The following PTPRG variants were observed in gnomAD, a reference collection of about 807,000 sequenced individuals.
The protein encoded by PTPRG is protein tyrosine phosphatase receptor type G.
Under a neutral mutation model 165.3 loss-of-function variants are expected in PTPRG, and 102 were observed. That is an observed-to-expected ratio of 0.62 (90% CI 0.53 to 0.73). The LOEUF (loss-of-function observed/expected upper bound fraction) is 0.73. Ranked by LOEUF, PTPRG falls within the 30% of genes least tolerant of loss-of-function variation. PTPRG has a pLI of 0.00. For synonymous variants in PTPRG, 675 were observed against 669.5 expected, an observed-to-expected ratio of 1.01 and a Z score of -0.13; for missense variants, 1,866 against 1,861.4, an observed-to-expected ratio of 1.00 and a Z score of -0.05.
chr3:61,718,039 G>C (rs193259230), intron 1 of PTPRG, among the ~76,000 whole-genome samples: 125 of 151,786 alleles, frequency 8.2e-4, no homozygotes, highest in African/African-American at 2.8e-3. Flanking sequence ...AATTAGCCGG[G>C]CATGGTGGTG....
At chr3:61,799,124 C>T (rs1327555901) in intron 2 of PTPRG, among the ~76,000 whole-genome samples, 2 of 151,956 alleles carry the variant, frequency 1.3e-5, no homozygotes, top group African/African-American at 4.8e-5. Flanking sequence ...TGAATTATCT[C>T]TTACAGGAAT....
chr3:61,838,512 G>C (rs1205452995), intron 2 of PTPRG, among the ~76,000 whole-genome samples: 2 of 152,138 alleles, frequency 1.3e-5, no homozygotes, highest in South Asian at 4.2e-4. Flanking sequence ...GGCCCCACAT[G>C]GTGATTAAAA....
intron 17 of PTPRG, among the ~76,000 whole-genome samples, chr3:62,265,713 T>G (rs1476255689): frequency 6.6e-6 from 1 of 152,038 alleles, no homozygotes; most frequent in Non-Finnish European, 1.5e-5. Context: ...TTGGCAGTAT[T>G]TGTTGGCCAG....
At chr3:62,065,883 A>C (rs1325439738) in intron 4 of PTPRG, among the ~76,000 whole-genome samples, 1 of 152,220 alleles carries the variant, frequency 6.6e-6, no homozygotes, top group Non-Finnish European at 1.5e-5. Context: ...GGTTCTCCCA[A>C]GGACACTAAA....
intron 6 of PTPRG, among the ~76,000 whole-genome samples, chr3:62,148,358 T>C (rs538997046): frequency 1.3e-5 from 2 of 152,280 alleles, no homozygotes; most frequent in Non-Finnish European, 2.9e-5. Context: ...AGACAGGTCA[T>C]GTCGGGCCCC....
At chr3:61,901,316 G>A (rs1434744853) in intron 2 of PTPRG, among the ~76,000 whole-genome samples, 1 of 152,204 alleles carries the variant, frequency 6.6e-6, no homozygotes. Context: ...CAAGGAGTGT[G>A]AAGGTTGGGT....
intron 12 of PTPRG, among the ~76,000 whole-genome samples, 200 bp downstream of exon 12, chr3:62,204,150 C>A (rs994590768): frequency 6.6e-6 from 1 of 152,202 alleles, no homozygotes; most frequent in Admixed American, 6.5e-5. Flanking sequence ...TACTCTCTTA[C>A]GCTGGAGTAA....
chr3:61,891,004 A>G (rs2038198856), intron 2 of PTPRG, among the ~76,000 whole-genome samples: 1 of 152,046 alleles, frequency 6.6e-6, no homozygotes, highest in Admixed American at 6.6e-5. Context: ...TTTTTTTTCC[A>G]GATATATATG....
At chr3:61,950,721 G>A (rs958986936) in intron 2 of PTPRG, among the ~76,000 whole-genome samples, 2 of 152,082 alleles carry the variant, frequency 1.3e-5, no homozygotes, top group African/African-American at 4.8e-5. Flanking sequence ...TGGCTGATTC[G>A]ACCCCCTTTA....
intron 1 of PTPRG, among the ~76,000 whole-genome samples, chr3:61,589,637 T>A (rs1700519043): frequency 6.6e-6 from 1 of 151,874 alleles, no homozygotes; most frequent in Non-Finnish European, 1.5e-5. Flanking sequence ...GGGGTGGGGG[T>A]GTCAGTATGC....
intron 28 of PTPRG, among the ~76,000 whole-genome samples, chr3:62,290,385 C>T (rs535606256): frequency 6.6e-5 from 10 of 152,080 alleles, no homozygotes; most frequent in Non-Finnish European, 1.3e-4. Flanking sequence ...CTATGAAACA[C>T]GATGGAGTCG....
At chr3:61,770,239 C>T (rs946989556) in intron 2 of PTPRG, 5 of 151,992 alleles carry the variant, frequency 3.3e-5, no homozygotes, top group African/African-American at 7.2e-5. Flanking sequence ...TATGTTGGTC[C>T]TCAATTTGTG....
At chr3:62,249,294 T>A (rs576638979) in intron 15 of PTPRG, among the ~76,000 whole-genome samples, 2 of 152,194 alleles carry the variant, frequency 1.3e-5, no homozygotes, top group Admixed American at 1.3e-4. Flanking sequence ...TCTGAGAGAC[T>A]GAGAGGGCAG....
chr3:62,167,852 TC>T, intron 7 of PTPRG, 118 bp from the exon 8 acceptor site: 1 of 1,027,874 alleles, frequency 9.7e-7, no homozygotes, highest in Non-Finnish European at 1.4e-6. Context: ...ATTGGGCACT[TC>T]CTACCGTTTC....
intron 1 of PTPRG, among the ~76,000 whole-genome samples, chr3:61,725,410 T>C (rs2032216020): frequency 6.6e-6 from 1 of 152,122 alleles, no homozygotes; most frequent in South Asian, 2.1e-4. Context: ...TTTTATTTTT[T>C]AAATTTTTTG....
At chr3:61,957,576 C>T (rs181376300) in intron 2 of PTPRG, among the ~76,000 whole-genome samples, 2 of 152,288 alleles carry the variant, frequency 1.3e-5, no homozygotes, top group Non-Finnish European at 2.9e-5. Flanking sequence ...TTCCTAACCA[C>T]GGGAACAATT....
intron 6 of PTPRG, among the ~76,000 whole-genome samples, chr3:62,154,524 G>A (rs553272393): frequency 6.6e-6 from 1 of 152,224 alleles, no homozygotes; most frequent in African/African-American, 2.4e-5. Flanking sequence ...ATAAGAGTCC[G>A]ACCCTGCCCA....
chr3:62,173,084 A>G (rs895972828), intron 8 of PTPRG, among the ~76,000 whole-genome samples: 4 of 152,160 alleles, frequency 2.6e-5, no homozygotes, highest in Non-Finnish European at 5.9e-5. Context: ...CCTTATATAA[A>G]ATGGTGTTGT....
At chr3:61,768,526 T>C (rs1214575647) in intron 2 of PTPRG, among the ~76,000 whole-genome samples, 1 of 152,230 alleles carries the variant, frequency 6.6e-6, no homozygotes, top group East Asian at 1.9e-4. Flanking sequence ...GAGAGCATTT[T>C]CTCAAAATCT....
Sources: gnomAD v4.1 joint callset for allele counts (sites outside exome capture counted in the v4.1 genomes callset) on GRCh38, gnomAD v4.1.1 for gene constraint, MANE v1.5 for transcripts, NCBI Gene and HGNC (gene_info 2026-07-23, HGNC 2026-07-21) for gene names.